The following RNF20 variants were observed in gnomAD, a reference collection of about 807,000 sequenced individuals.
RNF20 encodes ring finger protein 20.
A neutral mutation model predicts 126.2 loss-of-function variants in RNF20; 84 were observed. The observed-to-expected ratio is 0.67, with a 90% CI of 0.56 to 0.80. The LOEUF is 0.80. Among genes scored for constraint, RNF20 ranks in the 30% least tolerant of loss-of-function variants. The pLI, the probability that RNF20 is intolerant of heterozygous loss-of-function variation, is 0.00. For synonymous variants in RNF20, 400 were observed against 414.3 expected (o/e 0.97, Z 0.42); for missense variants, 869 against 1,188.2 (o/e 0.73, Z 3.95).
chr9:101,546,769 A>G, intron 6 of RNF20, 51 bp from the exon 7 acceptor site: 1 of 1,599,918 alleles, frequency 6.3e-7, no homozygotes, highest in Non-Finnish European at 8.6e-7. Flanking sequence ...ATATTATGGA[A>G]TTTGGTCTTT....
At chr9:101,540,428 G>A in intron 3 of RNF20, 58 bp downstream of exon 3, 1 of 1,611,356 alleles carries the variant, frequency 6.2e-7, no homozygotes, top group Non-Finnish European at 8.5e-7. Flanking sequence ...TCTCCTTACT[G>A]TTCTCTTCAT....
At chr9:101,547,236 A>G (rs2118699991) in intron 8 of RNF20, 22 bp downstream of exon 8, 9 of 1,613,054 alleles carry the variant, frequency 5.6e-6, no homozygotes, top group Non-Finnish European at 7.6e-6. Flanking sequence ...GACTCAGGAC[A>G]TGTTTTGGAC....
intron 15 of RNF20, 50 bp from the exon 16 acceptor site, chr9:101,557,334 T>C (rs1232959982): frequency 7.3e-7 from 1 of 1,364,536 alleles, no homozygotes; most frequent in Non-Finnish European, 1.0e-6. Context: ...TGCTCTTCCA[T>C]TGAAGTTGGA....
intron 16 of RNF20, among the ~76,000 whole-genome samples, chr9:101,558,886 A>G (rs1018156208): frequency 6.6e-6 from 1 of 152,134 alleles, no homozygotes; most frequent in African/African-American, 2.4e-5. Context: ...TTTGCTGTGC[A>G]GAAGCTTTTT....
intron 18 of RNF20, 47 bp downstream of exon 18, chr9:101,561,277 G>A: frequency 1.3e-6 from 2 of 1,589,022 alleles, no homozygotes; most frequent in South Asian, 2.3e-5. Flanking sequence ...GTTTTCTGAG[G>A]TCGGAAGTGA....
In RNF20 at chr9:101,552,687, A is replaced by C. The variant is rs1398081456; in HGVS notation, c.1835A>C (p.Lys612Thr). ...AGAGATTCTGCTAAGGATAAAGAGA[A>C]AGGCAAACATGATGATGGACGGAAA... is the stretch of plus-strand genomic sequence containing the variant. ...KERDSAKDKEKGKHDDGRKKE... is the reference protein window; with the variant it reads ...KERDSAKDKETGKHDDGRKKE... Residue 612 changes from lysine (K) to threonine (T), a missense_variant, in exon 13 of 20, where the codon AAA becomes ACA. Lys to Thr is a moderately conservative substitution (Grantham distance 78, BLOSUM62 -1). Coordinates refer to ENST00000389120, the MANE Select transcript of RNF20 (RefSeq NM_019592.7). 1 of 1,563,110 alleles carries C rather than the reference A, an allele frequency of 6.4e-7. No homozygotes were observed. The highest frequency in any genetic ancestry group is 1.4e-5 in the African/African-American group (1 of 73,706).
At chr9:101,539,143 A>G (rs747102784) in intron 2 of RNF20, among the ~76,000 whole-genome samples, 1 of 152,228 alleles carries the variant, frequency 6.6e-6, no homozygotes, top group Non-Finnish European at 1.5e-5. Flanking sequence ...TGTATGATGT[A>G]AAAGGGGGCA....
At chr9:101,539,219 T>C (rs776940970) in intron 2 of RNF20, among the ~76,000 whole-genome samples, 3 of 152,132 alleles carry the variant, frequency 2.0e-5, no homozygotes, top group Non-Finnish European at 2.9e-5. Context: ...TAAAGAAATA[T>C]TTCTAGACAA....
At chr9:101,551,906 G>C in intron 11 of RNF20, 87 bp downstream of exon 11, 2 of 1,436,848 alleles carry the variant, frequency 1.4e-6, no homozygotes, top group Non-Finnish European at 1.9e-6. Flanking sequence ...TGTTAATGCT[G>C]ACTTCAACTC....
rs182450905 is a variant in RNF20, at chr9:101,560,710, C to T, written c.2383-91C>T. The T allele has an allele frequency of 4.7e-5, 59 of 1,248,574 alleles. No individual in the cohort carries two copies. The African/African-American group carries it at 8.4e-4, about 18-fold the overall frequency. The allele number at this position is 1,248,574 out of a possible 1,614,324, so 77.3% of individuals were successfully genotyped here. On this transcript the variant is annotated intron_variant, in intron 16 of 19. Coordinates refer to ENST00000389120, the MANE Select transcript of RNF20 (RefSeq NM_019592.7). ...GTAATAGTTTGAGATTTCTAACATA[C>T]TGTATTTTGTGGGCTTATAGATTAA...
chr9:101,549,643 G>T (rs1239961115), intron 9 of RNF20, among the ~76,000 whole-genome samples: 2 of 152,082 alleles, frequency 1.3e-5, no homozygotes, highest in African/African-American at 4.8e-5. Flanking sequence ...TTACGCTACC[G>T]CTAGACCACG....
At chr9:101,535,704 G>A (rs1827171891) in intron 2 of RNF20, 152 bp downstream of exon 2, 1 of 751,920 alleles carries the variant, frequency 1.3e-6, no homozygotes, top group Non-Finnish European at 2.1e-6. Context: ...TGATGTGGTA[G>A]TCAGTTCTAG....
chr9:101,552,739 G>C lies in RNF20; in HGVS notation c.1887G>C (p.Leu629Phe). The C allele has an allele frequency of 6.2e-7, 1 of 1,607,296 alleles. No individual in the cohort carries two copies. Among genetic ancestry groups the C allele is most frequent in the Non-Finnish European group, 8.5e-7 (1 of 1,176,158 alleles). Residue 629 changes from leucine to phenylalanine, a missense_variant, in exon 13 of 20, where the codon TTG (leucine) becomes TTC (phenylalanine). Physicochemically the swap from Leu to Phe is conservative, Grantham distance 22. This residue lies in a region of RNF20 where 231 missense variants were observed against 263.6 expected (regional missense o/e 0.88). Coordinates refer to ENST00000389120, the MANE Select transcript of RNF20 (RefSeq NM_019592.7). Reference protein sequence around the residue: ...RKKEAEIIKQLKIELKKAQES... With the variant: ...RKKEAEIIKQFKIELKKAQES... Reference sequence around the variant, plus strand: ...AGGAAGCAGAAATTATCAAACAATTGAAGATTGAACTCAAGTAAGAACCAC... The same window carrying C: ...AGGAAGCAGAAATTATCAAACAATTCAAGATTGAACTCAAGTAAGAACCAC...
intron 1 of RNF20, chr9:101,534,315 C>A (rs558651768): frequency 1.3e-5 from 2 of 152,132 alleles, no homozygotes; most frequent in African/African-American, 4.8e-5. Flanking sequence ...GCAGGGCAGA[C>A]GAAAAATATA....
At chr9:101,548,073 T>TA (rs879380843) in intron 9 of RNF20, among the ~76,000 whole-genome samples, 1 of 151,956 alleles carries the variant, frequency 6.6e-6, no homozygotes, top group East Asian at 1.9e-4. Context: ...ACAATACCAT[T>TA]AAAAAAAATT....
At chr9:101,549,520 T>A (rs1024831877) in intron 9 of RNF20, among the ~76,000 whole-genome samples, 1 of 152,136 alleles carries the variant, frequency 6.6e-6, no homozygotes, top group Non-Finnish European at 1.5e-5. Flanking sequence ...CGAGCCTGAC[T>A]AATGTCAGGC....
At chr9:101,550,489 T>C (rs912772377) in intron 9 of RNF20, 117 bp from the exon 10 acceptor site, 3 of 825,126 alleles carry the variant, frequency 3.6e-6, no homozygotes, top group Admixed American at 2.3e-5. Context: ...AACTTAATAA[T>C]CTTTATAAAA....
Position 101,552,662 on chromosome 9 carries a change from A to G in RNF20, c.1810A>G (p.Arg604Gly), listed in dbSNP as rs1827468385. The change falls in exon 13 of 20, where the codon AGA becomes GGA. Residue 604 changes from arginine (R) to glycine (G), a missense_variant. Transcript: ENST00000389120. ...KQKLKESEKE[R>G]DSAKDKEKGK... ...GAAGCTAAAAGAGTCAGAAAAAGAG[A>G]GAGATTCTGCTAAGGATAAAGAGAA... 6.6e-7 allele frequency: 1 copy of G among 1,522,330 alleles called. No individual in the cohort carries two copies. The highest frequency in any genetic ancestry group is 1.7e-5 in the Admixed American group (1 of 59,906). The allele number at this position is 1,522,330 out of a possible 1,614,324, so 94.3% of individuals were successfully genotyped here.
rs772465975 is a variant in RNF20 at position 101,552,145 on chromosome 9, T to C, written c.1413T>C (p.Pro471=). 6.2e-7 allele frequency: 1 copy of C among 1,614,140 alleles called. No individual in the cohort carries two copies. The highest frequency in any genetic ancestry group is 1.1e-5 in the South Asian group (1 of 91,086). Residue 471 remains proline (P), a synonymous_variant, in exon 12 of 20, where the codon CCT becomes CCC. Transcript: ENST00000389120. Reference sequence around the variant, plus strand: ...ATTGTTGTTCCTGTATTTAAGGCCCTATAAACAGGGAGATGCGCCACCTCA... The same window carrying C: ...ATTGTTGTTCCTGTATTTAAGGCCCCATAAACAGGGAGATGCGCCACCTCA... ...QTLAANEQAG[P]INREMRHLIS...
Sources: gnomAD v4.1 joint callset for allele counts (sites outside exome capture counted in the v4.1 genomes callset) on GRCh38, gnomAD v4.1.1 for gene constraint, gnomAD v4.1.1 regional missense constraint, MANE v1.5 for transcripts, NCBI Gene and HGNC (gene_info 2026-07-23, HGNC 2026-07-21) for gene names.